The following CD99 variants were observed in gnomAD, a reference collection of about 807,000 sequenced individuals.
CD99 encodes the protein CD99 antigen.
In CD99, 19 loss-of-function variants were observed where a neutral mutation model predicts 28.4. The ratio of observed to expected loss-of-function variants is 0.67; its 90% CI spans 0.47 to 0.98. The LOEUF (loss-of-function observed/expected upper bound fraction) is 0.98, where lower values mean the gene tolerates loss of function less well. CD99 is among the 50% of genes least tolerant of loss of function. The pLI, the probability that CD99 is intolerant of heterozygous loss-of-function variation, is 0.00. For synonymous variants in CD99, 103 were observed against 92.1 expected (o/e 1.12, Z -0.67); for missense variants, 283 against 248.8 (o/e 1.14, Z -0.92).
intron 3 of CD99, chrX:2,719,434 C>A: frequency 1.7e-6 from 1 of 574,092 alleles, no homozygotes; most frequent in Non-Finnish European, 3.2e-6. Flanking sequence ...TCTCTCCTAG[C>A]TTTTTATCTG....
At chrX:2,739,918 A>AT (rs1042063913) in intron 9 of CD99, among the ~76,000 whole-genome samples, 11 of 128,342 alleles carry the variant, frequency 8.6e-5, no homozygotes, top group African/African-American at 3.2e-4. Flanking sequence ...TCTACTAAAA[A>AT]TTAAAAAAAA....
At chrX:2,715,903 A>G (rs1473995770) in intron 2 of CD99, among the ~76,000 whole-genome samples, 2 of 152,044 alleles carry the variant, frequency 1.3e-5, no homozygotes, top group Non-Finnish European at 2.9e-5. Context: ...TTATAACCTC[A>G]TCTTAACTGA....
rs762063401 is a variant in CD99, at chrX:2,720,371, C to T, written c.209C>T (p.Pro70Leu). 4.1e-5 allele frequency: 66 copies of T among 1,613,716 alleles called. No individual in the cohort carries two copies. The highest frequency in any genetic ancestry group is 2.9e-4 in the South Asian group (26 of 91,062). ...TCACAAACAGACGACCCACGACCAC[C>T]GAACCCACCCAAACCGATGCCAAAT... ...VDGENDDPRP[P>L]NPPKPMPNPN... is the part of the protein sequence containing the mutation. Residue 70 changes from proline to leucine, a missense_variant, in exon 5 of 10, where the codon CCG becomes CTG. By Grantham distance (98) the Pro-to-Leu change is moderately conservative. Transcript: ENST00000381192.
chrX:2,707,244 C>T lies in CD99; in HGVS notation c.68-7178C>T, dbSNP rs138432428. 1.4e-3 allele frequency among the ~76,000 whole-genome samples: 211 copies of T among 152,064 alleles called. 8 individuals carry two copies. In the East Asian group the frequency reaches 0.038, roughly 27 times the overall value. The stretch of plus-strand genomic sequence containing the variant: ...ACTGGGGAAGCTGAGGAAGGAGAAT[C>T]ACTTGAACCCAGGAGGTGGAGGTTG... On this transcript the variant is annotated intron_variant, in intron 1 of 9. Transcript: ENST00000381192.
At chrX:2,720,071 T>G (rs3763368) in intron 4 of CD99, among the ~76,000 whole-genome samples, 100,617 of 151,992 alleles carry the variant, frequency 0.66, 34,019 homozygotes, top group Non-Finnish European at 0.76. Flanking sequence ...TTGGAATACT[T>G]AAGAAAATTT....
At chrX:2,698,870 C>T (rs773785552) in intron 1 of CD99, among the ~76,000 whole-genome samples, 4 of 152,126 alleles carry the variant, frequency 2.6e-5, no homozygotes, top group East Asian at 3.9e-4. Flanking sequence ...AGCTTGGAAA[C>T]GTCACTCTTG....
intron 8 of CD99, among the ~76,000 whole-genome samples, chrX:2,730,079 A>G (rs2049511486): frequency 6.6e-6 from 1 of 152,176 alleles, no homozygotes; most frequent in South Asian, 2.1e-4. Flanking sequence ...GCTTGAGCCC[A>G]GGAATTGGAG....
intron 7 of CD99, 60 bp downstream of exon 7, chrX:2,723,424 A>G: frequency 6.3e-7 from 1 of 1,577,106 alleles, no homozygotes; most frequent in Non-Finnish European, 8.7e-7. Context: ...AAGGGGAAGC[A>G]GAATGTCTGA....
intron 1 of CD99, among the ~76,000 whole-genome samples, chrX:2,694,139 T>C (rs1229743055): frequency 1.3e-5 from 2 of 152,144 alleles, no homozygotes; most frequent in African/African-American, 4.8e-5. Context: ...AAAGGCTGAT[T>C]TGCCCCACCC....
chrX:2,738,074 A>G, intron 8 of CD99, 126 bp from the exon 9 acceptor site: 1 of 851,914 alleles, frequency 1.2e-6, no homozygotes, highest in Admixed American at 1.7e-5. Flanking sequence ...GGGGTTCAGA[A>G]CTGAGTGCTC....
intron 8 of CD99, among the ~76,000 whole-genome samples, chrX:2,730,014 C>T (rs73188874): frequency 0.07 from 10,708 of 152,060 alleles, 472 homozygotes; most frequent in Non-Finnish European, 0.099. Context: ...ATTAGCTGGG[C>T]GTGCTTGCGC....
At chrX:2,708,121 T>TCACACACACCTGGGGGACTGCCTC (rs1569431698) in intron 1 of CD99, among the ~76,000 whole-genome samples, 7 of 149,812 alleles carry the variant, frequency 4.7e-5, no homozygotes, top group African/African-American at 1.5e-4. Context: ...GGGACTGCCT[T>TCACACACACCTGGGGGACTGCCTC]CCTCACACAC....
chrX:2,724,663 G>A (rs894764058), intron 7 of CD99, among the ~76,000 whole-genome samples: 27 of 152,096 alleles, frequency 1.8e-4, no homozygotes, highest in African/African-American at 5.3e-4. Context: ...CTAGCACTTC[G>A]GGAGGCCAAG....
At chrX:2,724,409 G>C (rs2049165694) in intron 7 of CD99, among the ~76,000 whole-genome samples, 1 of 151,930 alleles carries the variant, frequency 6.6e-6, no homozygotes, top group African/African-American at 2.4e-5. Flanking sequence ...CCCCGTCGTG[G>C]AGGGCGGAGA....
intron 8 of CD99, among the ~76,000 whole-genome samples, chrX:2,736,822 A>G (rs2124309746): frequency 6.6e-6 from 1 of 151,892 alleles, no homozygotes; most frequent in African/African-American, 2.4e-5. Context: ...GCGCCACTGC[A>G]CTCCAGCCTG....
chrX:2,736,286 C>G (rs1047894078), intron 8 of CD99, among the ~76,000 whole-genome samples: 6 of 151,706 alleles, frequency 4.0e-5, no homozygotes, highest in African/African-American at 1.5e-4. Flanking sequence ...ATTTGAACCA[C>G]AGATGGGGCC....
At chrX:2,723,177 G>C (rs2049086559) in intron 6 of CD99, 137 bp from the exon 7 acceptor site, 1 of 855,792 alleles carries the variant, frequency 1.2e-6, no homozygotes, top group Non-Finnish European at 2.0e-6. Flanking sequence ...TAATAGGCAG[G>C]ACCCCAGCTC....
At chrX:2,726,137 C>A in intron 7 of CD99, 123 bp from the exon 8 acceptor site, 1 of 647,842 alleles carries the variant, frequency 1.5e-6, no homozygotes, top group Non-Finnish European at 2.8e-6. Flanking sequence ...TCAGCTCAGG[C>A]GTCTGAGATG....
intron 2 of CD99, chrX:2,714,935 C>T (rs2124552602): frequency 6.4e-6 from 1 of 155,212 alleles, no homozygotes; most frequent in East Asian, 1.9e-4. Flanking sequence ...ATAAATGAAC[C>T]ACCCTGGTGG....
Sources: allele counts gnomAD v4.1 joint callset (sites outside exome capture counted in the v4.1 genomes callset), GRCh38; gene constraint gnomAD v4.1.1; transcripts MANE v1.5; gene names NCBI Gene and HGNC (gene_info 2026-07-23, HGNC 2026-07-21).